Variants in KIF16B observed in about 807,000 individuals in gnomAD.
KIF16B encodes kinesin-like protein KIF16B.
KIF16B carries 98 observed loss-of-function variants against 156.3 expected under a neutral mutation model. The ratio of observed to expected loss-of-function variants is 0.63; its 90% CI spans 0.53 to 0.74. The LOEUF (loss-of-function observed/expected upper bound fraction) is 0.74. KIF16B is among the 30% of genes least tolerant of loss of function. The probability of loss-of-function intolerance (pLI) is 0.00; values close to 1 mark genes in which losing one functional copy is unlikely to be tolerated. For synonymous variants in KIF16B, 564 were observed against 583.7 expected, an observed-to-expected ratio of 0.97 and a Z score of 0.49; for missense variants, 1,421 against 1,606.5, an observed-to-expected ratio of 0.88 and a Z score of 1.97.
intron 3 of KIF16B, among the ~76,000 whole-genome samples, chr20:16,525,603 G>T (rs1023906584): frequency 6.6e-6 from 1 of 152,136 alleles, no homozygotes; most frequent in African/African-American, 2.4e-5. Flanking sequence ...CATCATTCTA[G>T]ACTCTAGAAA....
In KIF16B at chr20:16,380,112, C is replaced by G. The variant is rs756295263; in HGVS notation, c.1890G>C (p.Leu630=). The change falls in exon 19 of 26, where the codon CTG becomes CTC. Residue 630 remains leucine (L), a synonymous_variant. Coordinates refer to ENST00000354981, the MANE Select transcript of KIF16B (RefSeq NM_024704.5). ...EEKQKSDKAE[L]ERMQQEVETQ... ...TCTCCACCTCCTGCTGCATCCGCTC[C>G]AGTTCAGCCTTGTCTGATTTCTGCT... The G allele has an allele frequency of 6.6e-7, 1 of 1,523,974 alleles. No individual in the cohort carries two copies. The highest frequency in any genetic ancestry group is 2.3e-5 in the East Asian group (1 of 44,176). The allele number at this position is 1,523,974 out of a possible 1,614,324, so 94.4% of individuals were successfully genotyped here.
rs577558489 is a variant in KIF16B, at chr20:16,365,815, G to A, written c.3498+4771C>T. On this transcript the variant is annotated intron_variant, in intron 22 of 25. Transcript: ENST00000354981. The stretch of plus-strand genomic sequence containing the variant: ...CAAATATTTGACCAGAATAGAAAAT[G>A]CCCCTTCCATGCCACGAGAATCACT... Among the ~76,000 whole-genome samples, 8 of 152,288 alleles carry A rather than the reference G, an allele frequency of 5.3e-5. No individual in the cohort carries two copies. In the South Asian group the frequency reaches 1.7e-3, roughly 32 times the overall value.
Position 16,379,660 on chromosome 20 carries a change from C to T in KIF16B, c.2342G>A (p.Arg781His), listed in dbSNP as rs371878938. 5.9e-5 allele frequency: 96 copies of T among 1,614,054 alleles called. 1 individual carries two copies. The South Asian group carries it at 7.5e-4, about 13-fold the overall frequency. ...EKQEMIQLLR[R>H]GEVQWVEEEK... ...CTCTTCCACCCACTGTACCTCCCCA[C>T]GCCGCAGGAGCTGGATCATCTCCTG... is the stretch of plus-strand genomic sequence containing the variant. Residue 781 changes from arginine (R) to histidine (H), a missense_variant, in exon 19 of 26, where the codon CGT becomes CAT. Coordinates refer to ENST00000354981, the MANE Select transcript of KIF16B (RefSeq NM_024704.5).
intron 14 of KIF16B, among the ~76,000 whole-genome samples, 183 bp downstream of exon 14, chr20:16,428,770 G>C (rs2066424428): frequency 6.6e-6 from 1 of 152,090 alleles, no homozygotes; most frequent in Non-Finnish European, 1.5e-5. Flanking sequence ...ATTCATTTGA[G>C]TTGTATTCTA....
chr20:16,497,536 G>A, intron 11 of KIF16B, 77 bp downstream of exon 11: 6 of 1,153,922 alleles, frequency 5.2e-6, no homozygotes, highest in Admixed American at 1.9e-5. Flanking sequence ...ATCTCAAACG[G>A]CAAGTCCTAA....
intron 20 of KIF16B, among the ~76,000 whole-genome samples, chr20:16,372,358 G>T (rs763965937): frequency 6.6e-6 from 1 of 152,152 alleles, no homozygotes; most frequent in Non-Finnish European, 1.5e-5. Flanking sequence ...AGACCACATC[G>T]TAAAGGTCTC....
At chr20:16,374,450 T>A (rs750365216) in intron 19 of KIF16B, 41 bp from the exon 20 acceptor site, 1 of 1,460,534 alleles carries the variant, frequency 6.8e-7, no homozygotes, top group Non-Finnish European at 9.1e-7. Context: ...ATTAATAGTA[T>A]TTCCCGAGCA....
chr20:16,547,232 T>G (rs2147266102), intron 1 of KIF16B, among the ~76,000 whole-genome samples: 1 of 152,218 alleles, frequency 6.6e-6, no homozygotes, highest in Admixed American at 6.5e-5. Flanking sequence ...CCATGCCCAC[T>G]CACGATAAAT....
At chr20:16,303,032 A>G (rs1228187865) in intron 25 of KIF16B, among the ~76,000 whole-genome samples, 1 of 152,174 alleles carries the variant, frequency 6.6e-6, no homozygotes, top group Non-Finnish European at 1.5e-5. Flanking sequence ...TCAAATGTTT[A>G]CTTGTAAAAT....
intron 15 of KIF16B, among the ~76,000 whole-genome samples, chr20:16,419,117 G>A (rs1387904628): frequency 6.6e-6 from 1 of 152,142 alleles, no homozygotes; most frequent in Admixed American, 6.6e-5. Flanking sequence ...CTCAGGTAAT[G>A]CTGATGTTGA....
At chr20:16,550,594 G>A (rs1260596057) in intron 1 of KIF16B, among the ~76,000 whole-genome samples, 1 of 144,496 alleles carries the variant, frequency 6.9e-6, no homozygotes, top group East Asian at 2.0e-4. Context: ...GTGCAGTGGT[G>A]CGATCAGAGC....
chr20:16,318,628 A>C (rs1286880324), intron 24 of KIF16B, among the ~76,000 whole-genome samples: 1 of 152,208 alleles, frequency 6.6e-6, no homozygotes, highest in Non-Finnish European at 1.5e-5. Flanking sequence ...AAGAAAATTA[A>C]AAAGTATTGG....
At chr20:16,376,080 G>A (rs897166800) in intron 19 of KIF16B, among the ~76,000 whole-genome samples, 9 of 152,204 alleles carry the variant, frequency 5.9e-5, no homozygotes, top group African/African-American at 2.2e-4. Context: ...TTTATTGGAA[G>A]AGTAAATGAC....
intron 12 of KIF16B, among the ~76,000 whole-genome samples, chr20:16,430,870 C>A (rs1032272474): frequency 1.4e-5 from 2 of 147,630 alleles, no homozygotes; most frequent in Non-Finnish European, 3.0e-5. Flanking sequence ...TATATATGTA[C>A]ACCAACCCAA....
chr20:16,430,029 A>G, intron 12 of KIF16B, 47 bp from the exon 13 acceptor site: 1 of 1,558,162 alleles, frequency 6.4e-7, no homozygotes, highest in Non-Finnish European at 8.7e-7. Flanking sequence ...TTGGGAAAAG[A>G]GAACTTCAAA....
chr20:16,326,959 G>T, intron 24 of KIF16B, among the ~76,000 whole-genome samples: 1 of 137,990 alleles, frequency 7.2e-6, no homozygotes, highest in Non-Finnish European at 1.6e-5. Flanking sequence ...TAAAGAAAAT[G>T]TTATATATAT....
At chr20:16,414,980 GAT>G (rs1382743745) in intron 15 of KIF16B, among the ~76,000 whole-genome samples, 1 of 152,120 alleles carries the variant, frequency 6.6e-6, no homozygotes, top group African/African-American at 2.4e-5. Context: ...TTTAAGGTAG[GAT>G]AGACTAAGCT....
At chr20:16,532,068 CAAAAA>C (rs34843252) in intron 1 of KIF16B, among the ~76,000 whole-genome samples, 1 of 99,314 alleles carries the variant, frequency 1.0e-5, no homozygotes. Context: ...AACTCCGTCT[CAAAAA>C]AAAAAAAAAA....
intron 20 of KIF16B, among the ~76,000 whole-genome samples, chr20:16,372,107 C>G (rs2064836642): frequency 1.3e-5 from 2 of 152,088 alleles, no homozygotes; most frequent in African/African-American, 4.8e-5. Context: ...TAATCTGATG[C>G]CAAGACAGAA....
Sources: gnomAD v4.1 joint callset for allele counts (sites outside exome capture counted in the v4.1 genomes callset) on GRCh38, gnomAD v4.1.1 for gene constraint, MANE v1.5 for transcripts, NCBI Gene and HGNC (gene_info 2026-07-23, HGNC 2026-07-21) for gene names.